The following UNC13C variants were observed in gnomAD, a reference collection of about 807,000 sequenced individuals.
The protein encoded by UNC13C is unc-13 homolog C.
In UNC13C, 174 loss-of-function variants were observed where a neutral mutation model predicts 245.4. The ratio of observed to expected loss-of-function variants is 0.71; its 90% CI spans 0.63 to 0.80. The LOEUF (loss-of-function observed/expected upper bound fraction) is 0.80, where lower values mean the gene tolerates loss of function less well. Ranked by LOEUF, UNC13C falls within the 30% of genes least tolerant of loss-of-function variation. The pLI is 0.00. For missense variants in UNC13C, 2,829 were observed against 2,602.9 expected (o/e 1.09, Z -1.89); for synonymous variants, 992 against 895.1 (o/e 1.11, Z -1.93).
At chr15:54,018,310 A>G (rs1253782297) in intron 2 of UNC13C, among the ~76,000 whole-genome samples, 2 of 152,058 alleles carry the variant, frequency 1.3e-5, no homozygotes, top group Non-Finnish European at 2.9e-5. Context: ...TCCATAAGTA[A>G]CCTTAGCCAG....
intron 17 of UNC13C, among the ~76,000 whole-genome samples, chr15:54,375,230 C>A (rs1213436161): frequency 6.6e-6 from 1 of 152,188 alleles, no homozygotes; most frequent in Non-Finnish European, 1.5e-5. Context: ...TCATTCAGTG[C>A]CTCAACTGTA....
chr15:54,175,123 A>T (rs1477244094), intron 4 of UNC13C, among the ~76,000 whole-genome samples: 2 of 152,138 alleles, frequency 1.3e-5, no homozygotes, highest in African/African-American at 4.8e-5. Context: ...CAACAGGGGC[A>T]TATTTCCTTT....
chr15:54,043,516 T>C (rs1371020939), intron 2 of UNC13C, among the ~76,000 whole-genome samples: 5 of 152,196 alleles, frequency 3.3e-5, no homozygotes, highest in Non-Finnish European at 5.9e-5. Context: ...CTAAGCAAGT[T>C]TGTGCTTTTT....
At chr15:54,537,917 T>C (rs2141160635) in intron 26 of UNC13C, among the ~76,000 whole-genome samples, 1 of 151,772 alleles carries the variant, frequency 6.6e-6, no homozygotes, top group East Asian at 1.9e-4. Flanking sequence ...ATTCTGGACA[T>C]AGGCCCTGGC....
In UNC13C at chr15:54,622,329, C is replaced by A; in HGVS notation, c.6109C>A (p.Arg2037Ser). 1 of 1,612,310 alleles carries A rather than the reference C, an allele frequency of 6.2e-7. No individual in the cohort carries two copies. Among genetic ancestry groups the A allele is most frequent in the South Asian group, 1.1e-5 (1 of 91,024 alleles). The stretch of plus-strand genomic sequence containing the variant: ...AGTAAGCCTCTGCTTATTTTCAGGT[C>A]GTTCCTCCAAAGATGCCGTGGGTCA... Reference protein sequence around the residue: ...KFIDTQTSQSRSSKDAVGQIS... With the variant: ...KFIDTQTSQSSSSKDAVGQIS... The change falls in exon 31 of 33, where the codon CGT (arginine) becomes AGT (serine). Residue 2037 changes from arginine to serine, a missense_variant and splice_region_variant. Transcript: ENST00000260323.
chr15:54,064,913 G>C (rs922588987), intron 2 of UNC13C, among the ~76,000 whole-genome samples: 1 of 152,210 alleles, frequency 6.6e-6, no homozygotes, highest in South Asian at 2.1e-4. Flanking sequence ...AGAAAGATGA[G>C]AGTACTTGAG....
At chr15:53,983,212 C>CG (rs1244739406) in intron 1 of UNC13C, among the ~76,000 whole-genome samples, 1 of 152,016 alleles carries the variant, frequency 6.6e-6, no homozygotes, top group Non-Finnish European at 1.5e-5. Context: ...TTTTAAGAGT[C>CG]ATTTGTGGAA....
chr15:53,978,786 CTATT>C lies in UNC13C; in HGVS notation c.-396_-393del, dbSNP rs1257713278. On this transcript the variant is annotated 5_prime_UTR_variant, in exon 1 of 33. Coordinates refer to ENST00000260323, the MANE Select transcript of UNC13C (RefSeq NM_001080534.3). Reference sequence around the variant, plus strand: ...GACGCAGCTTCCACTCCTGTTCTAACTATTTGTGATTGAAAAAAGGAAACGAGAC... The same window carrying C: ...GACGCAGCTTCCACTCCTGTTCTAACTGTGATTGAAAAAAGGAAACGAGAC... Among the ~76,000 whole-genome samples the C allele has an allele frequency of 6.6e-6, 1 of 152,072 alleles. No individual in the cohort carries two copies. The highest frequency in any genetic ancestry group is 6.6e-5 in the Admixed American group (1 of 15,266).
intron 1 of UNC13C, among the ~76,000 whole-genome samples, chr15:53,987,788 G>C (rs1894211086): frequency 6.6e-6 from 1 of 152,044 alleles, no homozygotes; most frequent in Non-Finnish European, 1.5e-5. Flanking sequence ...TGTTCTTGCT[G>C]TGTGCCTTAG....
the UNC13C span, among the ~76,000 whole-genome samples, chr15:53,883,663 A>G: frequency 1.3e-5 from 2 of 152,204 alleles, no homozygotes; most frequent in African/African-American, 4.8e-5. Context: ...ATTTTGTGAC[A>G]AGACTTTTTC....
intron 30 of UNC13C, among the ~76,000 whole-genome samples, chr15:54,581,058 AG>A (rs1898178048): frequency 6.6e-6 from 1 of 152,214 alleles, no homozygotes; most frequent in Admixed American, 6.5e-5. Context: ...CTGTATGAAG[AG>A]AAAAAAGAAT....
At chr15:54,486,451 AAAAAG>A (rs1371505616) in intron 19 of UNC13C, among the ~76,000 whole-genome samples, 1 of 152,014 alleles carries the variant, frequency 6.6e-6, no homozygotes, top group African/African-American at 2.4e-5. Context: ...AGAAAAAAAA[AAAAAG>A]AAAAAGAAAA....
chr15:54,013,094 A>T lies in UNC13C; in HGVS notation c.191A>T (p.Lys64Met), dbSNP rs771159618. ...TCTTACACTTTTAAAAGCACTGTAA[A>T]GAAGATTGCAAAGTGTTCATCCACT... ...KFSYTFKSTV[K>M]KIAKCSSTHN... Residue 64 changes from lysine (K) to methionine (M), a missense_variant, in exon 2 of 33, where the codon AAG becomes ATG. Transcript: ENST00000260323. 1.9e-6 allele frequency: 3 copies of T among 1,613,786 alleles called. No individual in the cohort carries two copies. Among genetic ancestry groups the T allele is most frequent in the Non-Finnish European group, 2.5e-6 (3 of 1,179,866 alleles).
chr15:54,307,487 G>GAA (rs2037757419), intron 13 of UNC13C, among the ~76,000 whole-genome samples: 1 of 151,924 alleles, frequency 6.6e-6, no homozygotes, highest in Non-Finnish European at 1.5e-5. Flanking sequence ...CAACTGTTCA[G>GAA]ACCACAGCAC....
intron 10 of UNC13C, among the ~76,000 whole-genome samples, chr15:54,288,003 T>C (rs918125549): frequency 6.6e-6 from 1 of 152,182 alleles, no homozygotes; most frequent in South Asian, 2.1e-4. Flanking sequence ...TTTGGTTCTT[T>C]GTAGATCCTG....
intron 4 of UNC13C, among the ~76,000 whole-genome samples, chr15:54,198,503 C>T (rs1332197622): frequency 6.6e-6 from 1 of 152,176 alleles, no homozygotes; most frequent in African/African-American, 2.4e-5. Context: ...GTATCAACAG[C>T]TGCAAGAGCT....
At chr15:53,913,325 T>C in the UNC13C span, 1 of 152,162 alleles carries the variant, frequency 6.6e-6, no homozygotes, top group African/African-American at 2.4e-5. Flanking sequence ...ACAGATAGTT[T>C]CAGTTAGGGC....
At chr15:54,336,238 G>C (rs1478307259) in intron 16 of UNC13C, among the ~76,000 whole-genome samples, 1 of 151,862 alleles carries the variant, frequency 6.6e-6, no homozygotes, top group Middle Eastern at 3.2e-3. Flanking sequence ...TTGCAGAATG[G>C]CTAAATCTAG....
chr15:54,527,533 C>G (rs1319580447), intron 25 of UNC13C, among the ~76,000 whole-genome samples: 1 of 151,968 alleles, frequency 6.6e-6, no homozygotes, highest in Admixed American at 6.6e-5. Flanking sequence ...ATGATAAGTG[C>G]TTTTTGTTTT....
Sources: allele counts gnomAD v4.1 joint callset (sites outside exome capture counted in the v4.1 genomes callset), GRCh38; gene constraint gnomAD v4.1.1; transcripts MANE v1.5; gene names NCBI Gene and HGNC (gene_info 2026-07-23, HGNC 2026-07-21).